Variants in POU6F2 observed in about 807,000 individuals in gnomAD.
The protein encoded by POU6F2 is POU class 6 homeobox 2, also known as POU domain, class 6, transcription factor 2.
POU6F2 carries 31 observed loss-of-function variants against 71.3 expected under a neutral mutation model. The observed-to-expected ratio is 0.43, with a 90% CI of 0.33 to 0.59. The LOEUF is 0.59. Among genes scored for constraint, POU6F2 ranks in the 20% least tolerant of loss-of-function variants. POU6F2 has a pLI of 0.04. For synonymous variants in POU6F2, 347 were observed against 355.7 expected (o/e 0.98, Z 0.27); for missense variants, 783 against 856.8 (o/e 0.91, Z 1.07).
chr7:39,080,186 G>T (rs1791087871), intron 1 of POU6F2, among the ~76,000 whole-genome samples: 1 of 152,122 alleles, frequency 6.6e-6, no homozygotes, highest in South Asian at 2.1e-4. Context: ...TGAAAAATTA[G>T]AAATGTTTTA....
intron 4 of POU6F2, among the ~76,000 whole-genome samples, chr7:39,228,435 A>G (rs918052628): frequency 3.9e-5 from 6 of 152,196 alleles, no homozygotes; most frequent in Admixed American, 1.3e-4. Flanking sequence ...TCAAAACCCA[A>G]GGCTGTAGCT....
At chr7:39,373,403 G>GC in intron 5 of POU6F2, 1 of 456,320 alleles carries the variant, frequency 2.2e-6, no homozygotes, top group Non-Finnish European at 4.4e-6. Context: ...TAATTAGTAT[G>GC]CCAAGAGCCA....
chr7:39,147,589 A>G (rs906645255), intron 2 of POU6F2, among the ~76,000 whole-genome samples: 1 of 152,156 alleles, frequency 6.6e-6, no homozygotes, highest in African/African-American at 2.4e-5. Flanking sequence ...GTTCTCTCCA[A>G]TCTCTTTCCC....
chr7:39,233,077 C>T (rs968709037), intron 4 of POU6F2, among the ~76,000 whole-genome samples: 8 of 151,998 alleles, frequency 5.3e-5, no homozygotes, highest in Non-Finnish European at 1.0e-4. Context: ...TTAATTAATT[C>T]ATTTATTTAT....
chr7:39,339,617 C>A, intron 4 of POU6F2, 25 bp from the exon 5 acceptor site: 1 of 1,561,240 alleles, frequency 6.4e-7, no homozygotes, highest in Non-Finnish European at 8.6e-7. Flanking sequence ...TTATCTCACT[C>A]CACATTCGCT....
chr7:39,365,629 C>T (rs1304285281), intron 5 of POU6F2, among the ~76,000 whole-genome samples: 8 of 152,156 alleles, frequency 5.3e-5, no homozygotes, highest in Non-Finnish European at 1.0e-4. Flanking sequence ...CTTCACAATC[C>T]ATACATCTGA....
chr7:39,207,009 T>G (rs1240810417), intron 3 of POU6F2, among the ~76,000 whole-genome samples: 1 of 152,216 alleles, frequency 6.6e-6, no homozygotes, highest in Non-Finnish European at 1.5e-5. Flanking sequence ...TTCGTTGCTC[T>G]TTTTGAATCA....
chr7:39,421,570 G>T (rs78250660), intron 6 of POU6F2, among the ~76,000 whole-genome samples: 3 of 152,032 alleles, frequency 2.0e-5, no homozygotes, highest in Non-Finnish European at 4.4e-5. Context: ...CAGCACAAAG[G>T]GATGCTAAAT....
chr7:39,344,861 T>C (rs1438027799), intron 5 of POU6F2, among the ~76,000 whole-genome samples: 1 of 152,172 alleles, frequency 6.6e-6, no homozygotes, highest in Non-Finnish European at 1.5e-5. Flanking sequence ...CTCCTTTGTG[T>C]GGCTACTGTA....
In POU6F2 at chr7:39,354,520, G is replaced by A. The variant is rs191732972; in HGVS notation, c.972+14505G>A. On this transcript the variant is annotated intron_variant, in intron 5 of 9. Coordinates refer to ENST00000518318, the MANE Select transcript of POU6F2 (RefSeq NM_001370959.1). ...GTTCCAACATAGATATGGTCCTGGT[G>A]TTCTAATGTTTAGATAAACACCACT... 9.2e-5 allele frequency among the ~76,000 whole-genome samples: 14 copies of A among 152,336 alleles called. No individual in the cohort carries two copies. In the South Asian group the frequency reaches 1.2e-3, roughly 14 times the overall value.
intron 7 of POU6F2, among the ~76,000 whole-genome samples, chr7:39,450,954 C>T (rs752500058): frequency 3.3e-5 from 5 of 152,120 alleles, no homozygotes; most frequent in Non-Finnish European, 7.4e-5. Flanking sequence ...TGTTCTGACT[C>T]CCCATCTTCT....
intron 1 of POU6F2, among the ~76,000 whole-genome samples, chr7:39,074,772 A>T (rs891507840): frequency 2.0e-5 from 3 of 152,150 alleles, no homozygotes; most frequent in Non-Finnish European, 4.4e-5. Flanking sequence ...CTCCACAATA[A>T]ACTACACAAA....
intron 5 of POU6F2, among the ~76,000 whole-genome samples, chr7:39,375,434 C>G (rs1352501090): frequency 6.6e-6 from 1 of 152,118 alleles, no homozygotes; most frequent in African/African-American, 2.4e-5. Flanking sequence ...CACCTTCATT[C>G]AGGTCATGCC....
At chr7:39,439,262 G>A (rs2116061020) in intron 7 of POU6F2, among the ~76,000 whole-genome samples, 1 of 151,796 alleles carries the variant, frequency 6.6e-6, no homozygotes, top group East Asian at 1.9e-4. Flanking sequence ...CTTTGCACAT[G>A]AGATGGGTCT....
chr7:39,024,047 C>T (rs910750576), intron 1 of POU6F2, among the ~76,000 whole-genome samples: 7 of 152,106 alleles, frequency 4.6e-5, no homozygotes, highest in Admixed American at 2.6e-4. Context: ...TGAAGAAAGT[C>T]ATTGGTAGCT....
At chr7:39,312,364 A>G (rs1562786318) in intron 4 of POU6F2, among the ~76,000 whole-genome samples, 2 of 152,214 alleles carry the variant, frequency 1.3e-5, no homozygotes, top group Non-Finnish European at 2.9e-5. Context: ...GAAAGTACCC[A>G]TAGTAAGCTG....
intron 1 of POU6F2, among the ~76,000 whole-genome samples, chr7:39,041,006 G>C (rs1237424749): frequency 6.6e-6 from 1 of 151,918 alleles, no homozygotes; most frequent in Non-Finnish European, 1.5e-5. Flanking sequence ...GTTGGTGCTT[G>C]AATCGAGCCA....
At chr7:39,059,131 T>TA (rs1215132478) in intron 1 of POU6F2, among the ~76,000 whole-genome samples, 1 of 152,182 alleles carries the variant, frequency 6.6e-6, no homozygotes, top group Non-Finnish European at 1.5e-5. Context: ...AATGAATCAG[T>TA]ATAATCATTT....
At chr7:39,269,896 C>T (rs890715263) in intron 4 of POU6F2, among the ~76,000 whole-genome samples, 1 of 152,188 alleles carries the variant, frequency 6.6e-6, no homozygotes, top group African/African-American at 2.4e-5. Context: ...CAAAATCACA[C>T]CATCCCATTC....
Sources: allele counts gnomAD v4.1 joint callset (sites outside exome capture counted in the v4.1 genomes callset), GRCh38; gene constraint gnomAD v4.1.1; transcripts MANE v1.5; gene names NCBI Gene and HGNC (gene_info 2026-07-23, HGNC 2026-07-21).